Variants in EPHA6 observed in about 807,000 individuals in gnomAD.
The protein encoded by EPHA6 is EPH receptor A6.
A neutral mutation model predicts 112.0 loss-of-function variants in EPHA6; 50 were observed. The observed-to-expected ratio is 0.45, with a 90% CI of 0.36 to 0.56. The LOEUF is 0.56. Ranked by LOEUF, EPHA6 falls within the 20% of genes least tolerant of loss-of-function variation. The probability of loss-of-function intolerance (pLI) is 0.00; values close to 1 mark genes in which losing one functional copy is unlikely to be tolerated. For missense variants in EPHA6, 1,280 were observed against 1,417.4 expected (o/e 0.90, Z 1.56); for synonymous variants, 529 against 490.7 (o/e 1.08, Z -1.03).
chr3:97,153,247 A>G (rs919747594), intron 3 of EPHA6, among the ~76,000 whole-genome samples: 1 of 151,696 alleles, frequency 6.6e-6, no homozygotes, highest in Non-Finnish European at 1.5e-5. Context: ...TAGCTTTGGT[A>G]TATCACAATT....
At chr3:97,101,264 A>C (rs2047395237) in intron 3 of EPHA6, among the ~76,000 whole-genome samples, 1 of 152,028 alleles carries the variant, frequency 6.6e-6, no homozygotes, top group African/African-American at 2.4e-5. Context: ...ATCTATTCTA[A>C]CCACTTCATT....
At chr3:97,557,857 T>G (rs890246147) in intron 11 of EPHA6, among the ~76,000 whole-genome samples, 3 of 151,656 alleles carry the variant, frequency 2.0e-5, no homozygotes, top group African/African-American at 7.3e-5. Context: ...TTTTCCTTTT[T>G]CTTTCTTAAT....
intron 5 of EPHA6, among the ~76,000 whole-genome samples, chr3:97,296,249 T>C (rs1576870359): frequency 6.6e-6 from 1 of 152,010 alleles, no homozygotes; most frequent in African/African-American, 2.4e-5. Context: ...GCAAACCAGG[T>C]AGGCCTGTAC....
intron 5 of EPHA6, among the ~76,000 whole-genome samples, chr3:97,381,141 G>T (rs1308116508): frequency 6.6e-6 from 1 of 151,838 alleles, no homozygotes; most frequent in African/African-American, 2.4e-5. Flanking sequence ...TAGTTGAAAA[G>T]AAACAAAGCA....
At chr3:96,979,835 T>G in intron 2 of EPHA6, among the ~76,000 whole-genome samples, 1 of 152,230 alleles carries the variant, frequency 6.6e-6, no homozygotes, top group East Asian at 1.9e-4. Context: ...GCCTTTTGGC[T>G]GCATAAATAT....
At chr3:96,947,791 A>G (rs949304096) in intron 2 of EPHA6, among the ~76,000 whole-genome samples, 1 of 152,222 alleles carries the variant, frequency 6.6e-6, no homozygotes, top group Non-Finnish European at 1.5e-5. Flanking sequence ...CATGGATAGG[A>G]AGAATCAATA....
At chr3:97,361,065 A>G (rs542052301) in intron 5 of EPHA6, among the ~76,000 whole-genome samples, 2 of 152,132 alleles carry the variant, frequency 1.3e-5, no homozygotes, top group African/African-American at 4.8e-5. Context: ...CTTCCATCCA[A>G]TGGAGATCAA....
At chr3:97,683,132 G>T (rs2031989532) in intron 14 of EPHA6, among the ~76,000 whole-genome samples, 2 of 152,106 alleles carry the variant, frequency 1.3e-5, no homozygotes, top group Admixed American at 1.3e-4. Context: ...ATAAAAAGAG[G>T]TCTTAAAATG....
intron 3 of EPHA6, among the ~76,000 whole-genome samples, chr3:97,095,050 A>T (rs1189098829): frequency 6.6e-6 from 1 of 152,126 alleles, no homozygotes; most frequent in Non-Finnish European, 1.5e-5. Context: ...AAGATTTAAA[A>T]ATTGAATAAG....
intron 3 of EPHA6, among the ~76,000 whole-genome samples, chr3:97,002,042 C>A (rs1463910688): frequency 6.6e-6 from 1 of 151,868 alleles, no homozygotes; most frequent in Non-Finnish European, 1.5e-5. Flanking sequence ...CTAATATTCT[C>A]ATTTCTTGGT....
chr3:97,276,988 G>A (rs1009638978), intron 5 of EPHA6, among the ~76,000 whole-genome samples: 1 of 152,124 alleles, frequency 6.6e-6, no homozygotes, highest in Non-Finnish European at 1.5e-5. Context: ...TAGGGTGGAG[G>A]AGCAGAGGCT....
At chr3:97,012,928 C>T (rs2044142092) in intron 3 of EPHA6, among the ~76,000 whole-genome samples, 1 of 152,018 alleles carries the variant, frequency 6.6e-6, no homozygotes, top group Non-Finnish European at 1.5e-5. Flanking sequence ...GCCCACTTTA[C>T]TGGGCTTGTT....
chr3:97,693,869 T>A (rs1178452389), intron 14 of EPHA6, among the ~76,000 whole-genome samples: 1 of 152,178 alleles, frequency 6.6e-6, no homozygotes, highest in Admixed American at 6.5e-5. Flanking sequence ...AAGCACTCAA[T>A]AAATGTTAGC....
At chr3:96,966,809 A>G (rs1301425579) in intron 2 of EPHA6, among the ~76,000 whole-genome samples, 2 of 152,022 alleles carry the variant, frequency 1.3e-5, no homozygotes, top group Non-Finnish European at 2.9e-5. Context: ...TCAGGCGTAT[A>G]TAATTATTCA....
At chr3:97,616,065 T>C (rs1327464601) in intron 13 of EPHA6, among the ~76,000 whole-genome samples, 2 of 152,042 alleles carry the variant, frequency 1.3e-5, no homozygotes, top group Non-Finnish European at 2.9e-5. Flanking sequence ...CTTCTACAAG[T>C]GTGTTGGAAC....
At position 96,853,602 on chromosome 3, in the gene EPHA6, G is replaced by A. The variant is rs148364754; in HGVS notation, c.386-13223G>A. ...GTGGATTCTTTCAGATTAGTTATAT[G>A]TAGGTATATATACATATATATAAAG... On this transcript the variant is annotated intron_variant, in intron 1 of 17. Coordinates refer to ENST00000389672, the MANE Select transcript of EPHA6 (RefSeq NM_001080448.3). 1.5e-3 allele frequency among the ~76,000 whole-genome samples: 225 copies of A among 151,930 alleles called. 2 individuals carry two copies. Among genetic ancestry groups the A allele is most frequent in the Admixed American group, 0.013 (202 of 15,242 alleles).
intron 14 of EPHA6, among the ~76,000 whole-genome samples, chr3:97,647,133 G>T (rs571719740): frequency 1.6e-4 from 25 of 152,234 alleles, no homozygotes; most frequent in African/African-American, 6.0e-4. Flanking sequence ...CCAGCACATT[G>T]TACTGTTATT....
chr3:97,222,699 G>A (rs114691718), intron 3 of EPHA6, among the ~76,000 whole-genome samples: 2,374 of 152,276 alleles, frequency 0.016, 76 homozygotes, highest in African/African-American at 0.054. Context: ...CATGCATTAA[G>A]TAGATATGCA....
intron 1 of EPHA6, among the ~76,000 whole-genome samples, chr3:96,842,381 G>A (rs1033046077): frequency 6.6e-6 from 1 of 151,940 alleles, no homozygotes; most frequent in Admixed American, 6.6e-5. Context: ...TAATTGGTGT[G>A]GGAGGGCAAG....
Sources: allele counts gnomAD v4.1 joint callset (sites outside exome capture counted in the v4.1 genomes callset), GRCh38; gene constraint gnomAD v4.1.1; transcripts MANE v1.5; gene names NCBI Gene and HGNC (gene_info 2026-07-23, HGNC 2026-07-21).